The following FHIP1A variants were observed in gnomAD, a reference collection of about 807,000 sequenced individuals.
FHIP1A encodes the protein FHF complex subunit HOOK-interacting protein 1A.
In FHIP1A, 61 loss-of-function variants were observed where a neutral mutation model predicts 88.6. The observed-to-expected ratio is 0.69, with a 90% CI of 0.56 to 0.85. FHIP1A has a LOEUF of 0.85. Ranked by LOEUF, FHIP1A falls within the 40% of genes least tolerant of loss-of-function variation. The pLI is 0.00. For synonymous variants in FHIP1A, 478 were observed against 496.0 expected (o/e 0.96, Z 0.48); for missense variants, 1,154 against 1,273.5 (o/e 0.91, Z 1.43).
intron 8 of FHIP1A, among the ~76,000 whole-genome samples, chr4:151,638,335 G>GTGTGTA (rs1291920784): frequency 6.6e-6 from 1 of 151,778 alleles, no homozygotes; most frequent in East Asian, 1.9e-4. Context: ...GTGTGTGTGT[G>GTGTGTA]TGTGTGTGTG....
In FHIP1A at chr4:151,578,035, A is replaced by G. The variant is rs1248263786; in HGVS notation, c.691A>G (p.Met231Val). ...FIMSLSAENT[M>V]VAHHIVENTY... is the part of the protein sequence containing the mutation. ...CATGTCTCTTTCTGCTGAGAACACCATGGTGGCCCATCACATCGTGGAGAA... is the reference window on the plus strand; with the variant it reads ...CATGTCTCTTTCTGCTGAGAACACCGTGGTGGCCCATCACATCGTGGAGAA... The change falls in exon 5 of 14, where the codon ATG (methionine) becomes GTG (valine). Residue 231 changes from methionine (M) to valine (V), a missense_variant. Coordinates refer to ENST00000435205, the MANE Select transcript of FHIP1A (RefSeq NM_001109977.3). 2 of 1,550,680 alleles carry G rather than the reference A, an allele frequency of 1.3e-6. No homozygotes were observed. The highest frequency in any genetic ancestry group is 1.7e-6 in the Non-Finnish European group (2 of 1,146,856).
At chr4:151,593,327 G>A (rs1734513549) in intron 7 of FHIP1A, among the ~76,000 whole-genome samples, 1 of 152,184 alleles carries the variant, frequency 6.6e-6, no homozygotes, top group Admixed American at 6.5e-5. Flanking sequence ...GATGGGGATA[G>A]CATTGAATCT....
At chr4:151,613,911 C>G (rs1735416704) in intron 7 of FHIP1A, among the ~76,000 whole-genome samples, 1 of 152,086 alleles carries the variant, frequency 6.6e-6, no homozygotes, top group Non-Finnish European at 1.5e-5. Context: ...GCTTGTAATC[C>G]CAGCACTTTG....
chr4:151,443,492 G>T (rs78999366), intron 1 of FHIP1A, among the ~76,000 whole-genome samples: 3 of 151,894 alleles, frequency 2.0e-5, no homozygotes, highest in Non-Finnish European at 4.4e-5. Flanking sequence ...TTAACACTTC[G>T]CTTTCAGGGT....
chr4:151,617,515 C>T (rs1460338257), intron 7 of FHIP1A, among the ~76,000 whole-genome samples: 1 of 152,138 alleles, frequency 6.6e-6, no homozygotes, highest in Non-Finnish European at 1.5e-5. Context: ...GTGCCCTCAT[C>T]ATCCTCTGAA....
intron 7 of FHIP1A, among the ~76,000 whole-genome samples, chr4:151,608,050 T>C (rs1273142750): frequency 7.6e-6 from 1 of 131,872 alleles, no homozygotes; most frequent in Admixed American, 7.5e-5. Flanking sequence ...TTTTTTTTTT[T>C]TTTTTTTTTT....
chr4:151,527,283 A>G (rs1005946569), intron 3 of FHIP1A, among the ~76,000 whole-genome samples: 1 of 152,228 alleles, frequency 6.6e-6, no homozygotes, highest in Non-Finnish European at 1.5e-5. Flanking sequence ...GCACCTCGGG[A>G]GGCCGAGGCT....
intron 7 of FHIP1A, among the ~76,000 whole-genome samples, chr4:151,594,224 AG>A (rs1734559183): frequency 6.6e-6 from 1 of 152,148 alleles, no homozygotes; most frequent in Non-Finnish European, 1.5e-5. Context: ...TGTCTCTGCC[AG>A]GTTTTGGTAT....
intron 7 of FHIP1A, among the ~76,000 whole-genome samples, chr4:151,596,597 G>A (rs1734659021): frequency 6.6e-6 from 1 of 152,160 alleles, no homozygotes; most frequent in African/African-American, 2.4e-5. Flanking sequence ...TGTTCATCTG[G>A]ATAATATCCT....
At chr4:151,659,028 C>T (rs1737356944) in intron 13 of FHIP1A, among the ~76,000 whole-genome samples, 1 of 152,242 alleles carries the variant, frequency 6.6e-6, no homozygotes, top group African/African-American at 2.4e-5. Flanking sequence ...GGGGGTCACT[C>T]ACACCTTAGG....
At chr4:151,543,362 A>G (rs1287210450) in intron 3 of FHIP1A, among the ~76,000 whole-genome samples, 2 of 152,216 alleles carry the variant, frequency 1.3e-5, no homozygotes, top group African/African-American at 2.4e-5. Flanking sequence ...GCCCATAGGG[A>G]TGGCTTTCTG....
intron 3 of FHIP1A, among the ~76,000 whole-genome samples, chr4:151,546,866 T>G (rs1173729778): frequency 6.6e-6 from 1 of 152,194 alleles, no homozygotes; most frequent in East Asian, 1.9e-4. Flanking sequence ...AGCCTAAATC[T>G]TGTTTCTTCA....
chr4:151,419,566 T>G, intron 1 of FHIP1A, among the ~76,000 whole-genome samples: 1 of 55,094 alleles, frequency 1.8e-5, no homozygotes, highest in South Asian at 5.6e-4. Flanking sequence ...CTGTTCCTCA[T>G]TCTTTTTTTT....
chr4:151,591,996 T>A (rs1212033901), intron 7 of FHIP1A, among the ~76,000 whole-genome samples: 1 of 152,224 alleles, frequency 6.6e-6, no homozygotes, highest in Non-Finnish European at 1.5e-5. Flanking sequence ...ATGGGATTGC[T>A]GGGTCAAATG....
At chr4:151,424,744 G>A (rs1274357888) in intron 1 of FHIP1A, among the ~76,000 whole-genome samples, 1 of 151,256 alleles carries the variant, frequency 6.6e-6, no homozygotes, top group African/African-American at 2.4e-5. Flanking sequence ...TCAAGAGGCA[G>A]ATACCCATCC....
chr4:151,639,793 GGGACTACCA>G (rs1736500139), intron 9 of FHIP1A, among the ~76,000 whole-genome samples: 1 of 152,150 alleles, frequency 6.6e-6, no homozygotes, highest in African/African-American at 2.4e-5. Flanking sequence ...ACGAAAAAGT[GGGACTACCA>G]GGGTCCTCCA....
chr4:151,629,601 C>A, intron 7 of FHIP1A, 101 bp from the exon 8 acceptor site: 1 of 1,025,926 alleles, frequency 9.7e-7, no homozygotes, highest in Non-Finnish European at 1.4e-6. Context: ...CATGTTCTTG[C>A]CTTGATGATG....
At chr4:151,417,484 A>G (rs1269018363) in intron 1 of FHIP1A, among the ~76,000 whole-genome samples, 1 of 152,216 alleles carries the variant, frequency 6.6e-6, no homozygotes, top group Non-Finnish European at 1.5e-5. Context: ...GCTTGTGACC[A>G]GCCTGATTGG....
chr4:151,450,245 A>C (rs1049472596), intron 1 of FHIP1A, among the ~76,000 whole-genome samples: 1 of 151,122 alleles, frequency 6.6e-6, no homozygotes, highest in Non-Finnish European at 1.5e-5. Flanking sequence ...TGAAATGTCT[A>C]GCCTCAGCCT....
Sources: gnomAD v4.1 joint callset for allele counts (sites outside exome capture counted in the v4.1 genomes callset) on GRCh38, gnomAD v4.1.1 for gene constraint, MANE v1.5 for transcripts, NCBI Gene and HGNC (gene_info 2026-07-23, HGNC 2026-07-21) for gene names.